Variants in GAS2L1 observed in about 807,000 individuals in gnomAD.
GAS2L1 encodes the protein GAS2-like protein 1.
Under a neutral mutation model 44.0 loss-of-function variants are expected in GAS2L1, and 26 were observed. The observed-to-expected ratio is 0.59, with a 90% CI of 0.43 to 0.82. The LOEUF is 0.82. Among genes scored for constraint, GAS2L1 ranks in the 40% least tolerant of loss-of-function variants. The pLI is 0.00. For synonymous variants in GAS2L1, 426 were observed against 415.9 expected (o/e 1.02, Z -0.30); for missense variants, 1,006 against 983.0 (o/e 1.02, Z -0.31).
In GAS2L1 at chr22:29,311,039, G is replaced by T. The variant is rs748264714; in HGVS notation, c.1010+41G>T. On this transcript the variant is annotated intron_variant, in intron 4 of 4. Coordinates refer to ENST00000618518, the Ensembl canonical transcript of GAS2L1. ...ACGAGGAGTGAGGGGTCCAGAGGGT[G>T]GGGGGGCGTCAGCCCTGGCCTGCAT... 30 of 1,567,734 alleles carry T rather than the reference G, an allele frequency of 1.9e-5. No individual in the cohort carries two copies. The South Asian group carries it at 3.3e-4, about 17-fold the overall frequency.
rs762223857 is a variant in GAS2L1 at position 29,310,821 on chromosome 22, C to T, written c.839-6C>T. ...CTCACATGCTGCCTGTCCTCTCTCC[C>T]CGCAGCTCATCGCCCACCCCAGCCG... On this transcript the variant is annotated splice_region_variant and splice_polypyrimidine_tract_variant and intron_variant, in intron 3 of 4. Transcript: ENST00000618518. 6 of 1,608,444 alleles carry T rather than the reference C, an allele frequency of 3.7e-6. No homozygotes were observed. The highest frequency in any genetic ancestry group is 5.1e-6 in the Non-Finnish European group (6 of 1,178,852).
intron 1 of GAS2L1, among the ~76,000 whole-genome samples, chr22:29,309,680 G>A (rs921301845): frequency 2.6e-5 from 4 of 152,230 alleles, no homozygotes; most frequent in African/African-American, 9.6e-5. Flanking sequence ...TGGTCTGTGT[G>A]TGCATGTGTC....
chr22:29,310,249 A>T lies in GAS2L1; in HGVS notation c.634-190A>T, dbSNP rs905451070. 2.1e-4 allele frequency: 70 copies of T among 335,992 alleles called. 1 individual carries two copies. The highest frequency in any genetic ancestry group is 9.2e-4 in the South Asian group (9 of 9,746). The allele number at this position is 335,992 out of a possible 1,614,324, so 20.8% of individuals were successfully genotyped here. The stretch of plus-strand genomic sequence containing the variant: ...AAGAGCAAAACTCCAACTCAAAAAA[A>T]AAAAAAAATAAAAAAAAATAAAAAA... On this transcript the variant is annotated intron_variant, in intron 1 of 4. Transcript: ENST00000618518.
At chr22:29,310,321 C>T in intron 1 of GAS2L1, 118 bp from the exon 3 acceptor site, 2 of 670,154 alleles carry the variant, frequency 3.0e-6, no homozygotes, top group East Asian at 2.5e-5. Context: ...TCCGGGGCAA[C>T]ACTGCCTCCA....
chr22:29,311,035 G>C, intron 4 of GAS2L1, 37 bp downstream of exon 5: 2 of 1,579,912 alleles, frequency 1.3e-6, no homozygotes, highest in Non-Finnish European at 8.6e-7. Context: ...GGGGTCCAGA[G>C]GGTGGGGGGG....
upstream of GAS2L1, chr22:29,306,872 G>A (rs1296220629): frequency 6.6e-6 from 1 of 152,272 alleles, no homozygotes; most frequent in Non-Finnish European, 1.5e-5. Flanking sequence ...AGCGCTCGAA[G>A]ACCCGGGATT....
exon 1 of GAS2L1, chr22:29,307,875 A>G (rs538517503): frequency 7.7e-6 from 3 of 389,980 alleles, no homozygotes; most frequent in African/African-American, 6.2e-5. Context: ...CTAAATTTAT[A>G]AAAATTATCC....
At chr22:29,306,782 C>T (rs943348759), upstream of GAS2L1, 7 of 152,358 alleles carry the variant, frequency 4.6e-5, no homozygotes, top group African/African-American at 1.7e-4. Flanking sequence ...TGGACGGGGC[C>T]CCGGGTACTA....
exon 1 of GAS2L1, chr22:29,308,618 A>C: frequency 6.3e-7 from 1 of 1,586,610 alleles, no homozygotes. Context: ...TGCGTGCTGC[A>C]CCCCCAGCCC....
Position 29,310,266 on chromosome 22 carries a change from A to AT in GAS2L1, c.634-173_634-172insT, listed in dbSNP as rs1330501431. On this transcript the variant is annotated intron_variant, in intron 1 of 4. Coordinates refer to ENST00000618518, the Ensembl canonical transcript of GAS2L1. ...TCAAAAAAAAAAAAAAATAAAAAAA[A>AT]ATAAAAAAAATAAAAGAAAGGTCAC... The AT allele has an allele frequency of 7.3e-4, 284 of 386,816 alleles. 1 individual carries two copies. Among genetic ancestry groups the AT allele is most frequent in the South Asian group, 6.1e-4 (6 of 9,882 alleles). The allele number at this position is 386,816 out of a possible 1,614,324, so 24.0% of individuals were successfully genotyped here.
chr22:29,308,983 G>A (rs547815253), intron 1 of GAS2L1, among the ~76,000 whole-genome samples: 4 of 152,380 alleles, frequency 2.6e-5, no homozygotes, highest in African/African-American at 9.6e-5. Flanking sequence ...GCGGGCTCCT[G>A]GCACGATCTT....
exon 1 of GAS2L1, chr22:29,308,102 G>C: frequency 1.3e-6 from 2 of 1,552,124 alleles, no homozygotes; most frequent in Non-Finnish European, 1.7e-6. Flanking sequence ...CGGCCGGTCC[G>C]GGCATGGCAG....
At chr22:29,307,103 G>T (rs578165332) in exon 1 of GAS2L1, 1 of 151,930 alleles carries the variant, frequency 6.6e-6, no homozygotes, top group African/African-American at 2.4e-5. Context: ...GGCCCGGCCC[G>T]GCTCCGGCCC....
exon 4 of GAS2L1, chr22:29,310,933 C>T (rs748675322): frequency 2.5e-6 from 4 of 1,613,760 alleles, no homozygotes; most frequent in South Asian, 2.2e-5. Context: ...AGCGCCGGGG[C>T]TCCCGGCCTG....
At chr22:29,307,310 G>C (rs2061359546) in exon 1 of GAS2L1, 1 of 152,168 alleles carries the variant, frequency 6.6e-6, no homozygotes, top group African/African-American at 2.4e-5. Flanking sequence ...GCACCGGCAG[G>C]GCCTGCGGAG....
chr22:29,307,859 T>A, exon 1 of GAS2L1: 2 of 375,902 alleles, frequency 5.3e-6, no homozygotes, highest in Non-Finnish European at 9.4e-6. Context: ...AAACACTTAA[T>A]GGACCCTAAA....
exon 5 of GAS2L1, chr22:29,311,936 G>A (rs1164301504): frequency 1.2e-6 from 2 of 1,605,312 alleles, no homozygotes. Context: ...GTCCAGAGTT[G>A]GGCACCACAC....
In GAS2L1 at chr22:29,310,261, A is replaced by T. The variant is rs534051150; in HGVS notation, c.634-178A>T. On this transcript the variant is annotated intron_variant, in intron 1 of 4. Transcript: ENST00000618518. The stretch of plus-strand genomic sequence containing the variant: ...CCAACTCAAAAAAAAAAAAAAATAA[A>T]AAAAAATAAAAAAAATAAAAGAAAG... 2.8e-3 allele frequency: 1,092 copies of T among 384,556 alleles called. 4 individuals are homozygous for T. Among genetic ancestry groups the T allele is most frequent in the Non-Finnish European group, 3.6e-3 (791 of 216,752 alleles). The allele number at this position is 384,556 out of a possible 1,614,324, so 23.8% of individuals were successfully genotyped here.
exon 4 of GAS2L1, chr22:29,310,971 C>T (rs1310692021): frequency 1.9e-6 from 3 of 1,613,354 alleles, no homozygotes; most frequent in East Asian, 4.5e-5. Context: ...TTACGAAGCA[C>T]AAAGGAGGGG....
Sources: allele counts gnomAD v4.1 joint callset (sites outside exome capture counted in the v4.1 genomes callset), GRCh38; gene constraint gnomAD v4.1.1; transcripts MANE v1.5; gene names NCBI Gene and HGNC (gene_info 2026-07-23, HGNC 2026-07-21).